TULP2: variants seen among roughly 807,000 people sequenced by gnomAD.
TULP2 encodes TUB like protein 2.
Under a neutral mutation model 60.3 loss-of-function variants are expected in TULP2, and 64 were observed. The ratio of observed to expected loss-of-function variants is 1.06; its 90% CI spans 0.87 to 1.31. The LOEUF (loss-of-function observed/expected upper bound fraction) is 1.31, where lower values mean the gene tolerates loss of function less well. Among genes scored for constraint, TULP2 ranks in the 50% most tolerant of loss-of-function variants. The pLI, the probability that TULP2 is intolerant of heterozygous loss-of-function variation, is 0.00. For missense variants in TULP2, 652 were observed against 667.0 expected, an observed-to-expected ratio of 0.98 and a Z score of 0.25; for synonymous variants, 267 against 265.4, an observed-to-expected ratio of 1.01 and a Z score of -0.06.
chr19:48,895,490 A>G lies in TULP2; in HGVS notation c.225T>C (p.Pro75=), dbSNP rs896430532. 1.0e-5 allele frequency: 16 copies of G among 1,607,338 alleles called. No homozygotes were observed. The Admixed American group carries it at 1.0e-4, about 10-fold the overall frequency. The change falls in exon 5 of 13, where the codon CCT becomes CCC. Residue 75 remains proline (P), a synonymous_variant. Coordinates refer to ENST00000221399, the MANE Select transcript of TULP2 (RefSeq NM_003323.3). The part of the protein sequence containing the change: ...RLLGDRGLGN[P]FLRKKVSEAH... ...CCTCTGACACTTTCTTCCGGAGGAAAGGGTTCCCAAGGCCTGGGAGAAGGT... is the reference window on the plus strand; with the variant it reads ...CCTCTGACACTTTCTTCCGGAGGAAGGGGTTCCCAAGGCCTGGGAGAAGGT...
At position 48,897,849 on chromosome 19, in the gene TULP2, G is replaced by C; in HGVS notation, c.20C>G (p.Thr7Arg). The change falls in exon 2 of 13, where the codon ACA becomes AGA. Residue 7 changes from threonine (T) to arginine (R), a missense_variant. By Grantham distance (71) the Thr-to-Arg change is moderately conservative. Coordinates refer to ENST00000221399, the MANE Select transcript of TULP2 (RefSeq NM_003323.3). This position sits in a 1 kb window ranked among gnomAD's most constrained non-coding sequence, Gnocchi z 4.0. MSQDND[T>R]LMRDILGHEL... is the part of the protein sequence containing the mutation. ...TTTCCCTACTCACTCTCTCATCAAT[G>C]TGTCATTATCCTGAGACATTCTGCA... 2 of 1,613,664 alleles carry C rather than the reference G, an allele frequency of 1.2e-6. No homozygotes were observed. Among genetic ancestry groups the C allele is most frequent in the Non-Finnish European group, 1.7e-6 (2 of 1,179,838 alleles).
In TULP2 at chr19:48,898,601, T is replaced by C. The variant is rs2037305453; in HGVS notation, c.-13A>G. The C allele has an allele frequency of 6.6e-6, 1 of 151,778 alleles. No individual in the cohort carries two copies. The highest frequency in any genetic ancestry group is 1.5e-5 in the Non-Finnish European group (1 of 68,002). The allele number at this position is 151,778 out of a possible 1,614,324, so 9.4% of individuals were successfully genotyped here. On this transcript the variant is annotated 5_prime_UTR_variant, in exon 1 of 13. Coordinates refer to ENST00000221399, the MANE Select transcript of TULP2 (RefSeq NM_003323.3). Reference sequence around the variant, plus strand: ...ATCTCTAAACATACCTGATCCTCTCTTTGGAAGCTGGGGACCTAATCTCGG... The same window carrying C: ...ATCTCTAAACATACCTGATCCTCTCCTTGGAAGCTGGGGACCTAATCTCGG...
At chr19:48,884,112 A>G (rs774910009) in intron 9 of TULP2, 66 bp from the exon 10 acceptor site, 9 of 1,296,362 alleles carry the variant, frequency 6.9e-6, no homozygotes, top group South Asian at 4.9e-5. Flanking sequence ...AGTGTCACTC[A>G]TCGCATCGAC....
chr19:48,894,762 T>A (rs1388809031), intron 6 of TULP2, among the ~76,000 whole-genome samples: 1 of 122,030 alleles, frequency 8.2e-6, no homozygotes, highest in East Asian at 1.9e-4. Context: ...TTTACACCAT[T>A]TTATATAAGG....
Position 48,885,429 on chromosome 19 carries a change from A to G in TULP2, c.1061+19T>C. 1 of 1,607,398 alleles carries G rather than the reference A, an allele frequency of 6.2e-7. No homozygotes were observed. ...CTCCCTGCTACCTGCTCCTCACCAC[A>G]TGTCAGAGCTCTACCCACCTGACTT... On this transcript the variant is annotated intron_variant, in intron 9 of 12. Transcript: ENST00000221399.
At chr19:48,896,306 G>A (rs919028208) in intron 4 of TULP2, 124 bp downstream of exon 4, 1 of 1,356,692 alleles carries the variant, frequency 7.4e-7, no homozygotes. Context: ...CTGGGCCAAG[G>A]CCCGCCCCCA....
intron 7 of TULP2, 133 bp downstream of exon 7, chr19:48,889,375 CAA>C (rs2037212135): frequency 2.8e-6 from 4 of 1,434,664 alleles, no homozygotes; most frequent in Non-Finnish European, 2.8e-6. Context: ...CGCACACACA[CAA>C]GTCTCTGCCA....
At position 48,897,455 on chromosome 19, in the gene TULP2, G is replaced by A. The variant is rs377588178; in HGVS notation, c.33-59C>T. The A allele has an allele frequency of 5.1e-6, 8 of 1,568,568 alleles. No homozygotes were observed. The African/African-American group carries it at 9.5e-5, about 19-fold the overall frequency. On this transcript the variant is annotated intron_variant, in intron 2 of 12. Transcript: ENST00000221399. This position sits in a 1 kb window ranked among gnomAD's most constrained non-coding sequence, Gnocchi z 4.0. ...CAGGGAACCTCGGTTGCCCAAGAGA[G>A]TCCCTCCTTCCCCCATCCTGCCCCT...
chr19:48,895,144 A>C lies in TULP2; in HGVS notation c.368T>G (p.Leu123Arg). 1.2e-6 allele frequency: 2 copies of C among 1,613,730 alleles called. No individual in the cohort carries two copies. The stretch of plus-strand genomic sequence containing the variant: ...GAGCCAGGATAAGAAAGGGGACTGG[A>C]GACCGAGATTCCTGAACACTGAGGA... ...RTEAVFRNLG[L>R]QSPFLSWLPD... is the part of the protein sequence containing the mutation. The change falls in exon 6 of 13, where the codon CTC becomes CGC. Residue 123 changes from leucine to arginine, a missense_variant. Coordinates refer to ENST00000221399, the MANE Select transcript of TULP2 (RefSeq NM_003323.3).
rs1340921552 is a variant in TULP2 at position 48,882,151 on chromosome 19, A to G, written c.1328T>C (p.Leu443Pro). 6.2e-7 allele frequency: 1 copy of G among 1,614,214 alleles called. No individual in the cohort carries two copies. The highest frequency in any genetic ancestry group is 1.7e-5 in the Admixed American group (1 of 60,008). ...CGACGGGGTTTTGTTGTGCAACAAA[A>G]GCAACCCTTGTTTGTCCCCACGTTG... ...RYQRGDKQGL[L>P]LLHNKTPSWD... Residue 443 changes from leucine to proline, a missense_variant, in exon 12 of 13, where the codon CTT (leucine) becomes CCT (proline). By Grantham distance (98) the Leu-to-Pro change is moderately conservative. Coordinates refer to ENST00000221399, the MANE Select transcript of TULP2 (RefSeq NM_003323.3).
At chr19:48,892,514 T>TG (rs1233266242) in intron 6 of TULP2, among the ~76,000 whole-genome samples, 3 of 151,562 alleles carry the variant, frequency 2.0e-5, no homozygotes, top group Non-Finnish European at 2.9e-5. Flanking sequence ...CTTTTTTTTT[T>TG]TGGGGGGGGG....
intron 6 of TULP2, among the ~76,000 whole-genome samples, chr19:48,891,545 G>T (rs553169183): frequency 9.1e-6 from 1 of 110,040 alleles, no homozygotes; most frequent in African/African-American, 6.7e-5. Flanking sequence ...CAGGAGAATC[G>T]CTTAAACCCA....
chr19:48,889,373 C>T (rs1028819401), intron 7 of TULP2, 137 bp downstream of exon 7: 68 of 1,435,258 alleles, frequency 4.7e-5, no homozygotes, highest in Non-Finnish European at 6.0e-5. Flanking sequence ...CACGCACACA[C>T]ACAAGTCTCT....
rs2037293481 is a variant in TULP2 at position 48,897,479 on chromosome 19, CT to C, written c.33-84del. 1 of 1,452,244 alleles carries C rather than the reference CT, an allele frequency of 6.9e-7. No individual in the cohort carries two copies. The highest frequency in any genetic ancestry group is 1.4e-5 in the African/African-American group (1 of 70,988). The allele number at this position is 1,452,244 out of a possible 1,614,324, so 90.0% of individuals were successfully genotyped here. A position where few individuals can be genotyped will look rare whatever the true frequency, so the allele number is the denominator to read the frequency against. ...AGTCCCTCCTTCCCCCATCCTGCCC[CT>C]ATCTCAGCTTGGGTTCTGGGCACCT... On this transcript the variant is annotated intron_variant, in intron 2 of 12. Coordinates refer to ENST00000221399, the MANE Select transcript of TULP2 (RefSeq NM_003323.3). The surrounding 1 kb of genome is among the most constrained non-coding windows in gnomAD (Gnocchi z 4.0).
At position 48,888,093 on chromosome 19, in the gene TULP2, C is replaced by T. The variant is rs774685891; in HGVS notation, c.805G>A (p.Glu269Lys). 6.2e-7 allele frequency: 1 copy of T among 1,614,202 alleles called. No homozygotes were observed. Among genetic ancestry groups the T allele is most frequent in the Non-Finnish European group, 8.5e-7 (1 of 1,180,024 alleles). ...LAIRSPCPGL[E>K]EDMEAYVLRP... ...AGCACGTAGGCTTCCATGTCCTCCT[C>T]CAGCCCAGGGCAGGGGGAGCGGATT... Residue 269 changes from glutamate (E) to lysine (K), a missense_variant, in exon 8 of 13, where the codon GAG (glutamate) becomes AAG (lysine). By Grantham distance (56) the Glu-to-Lys change is moderately conservative. Transcript: ENST00000221399.
intron 4 of TULP2, 142 bp from the exon 5 acceptor site, chr19:48,895,645 C>T: frequency 9.8e-7 from 1 of 1,025,102 alleles, no homozygotes; most frequent in Non-Finnish European, 1.4e-6. Context: ...TTTGGGAGGC[C>T]GAGGCAGGCG....
intron 6 of TULP2, among the ~76,000 whole-genome samples, chr19:48,891,723 C>G (rs775845166): frequency 6.6e-6 from 1 of 152,124 alleles, no homozygotes; most frequent in Non-Finnish European, 1.5e-5. Context: ...GCCCAGGGGA[C>G]CAGTGCTCCG....
chr19:48,885,591 G>A, intron 8 of TULP2, 31 bp from the exon 9 acceptor site: 5 of 1,600,080 alleles, frequency 3.1e-6, no homozygotes, highest in Non-Finnish European at 4.3e-6. Context: ...CCATTAGAAT[G>A]GACTTCTGGA....
At chr19:48,889,366 GCA>G (rs112249585) in intron 7 of TULP2, 142 bp downstream of exon 7, 4 of 1,263,060 alleles carry the variant, frequency 3.2e-6, no homozygotes, top group African/African-American at 1.5e-5. Flanking sequence ...ACGCACGCAC[GCA>G]CACACACAAG....
Sources: gnomAD v4.1 joint callset for allele counts (sites outside exome capture counted in the v4.1 genomes callset) on GRCh38, gnomAD v4.1.1 for gene constraint, Gnocchi (gnomAD v3.1) non-coding constraint, MANE v1.5 for transcripts, NCBI Gene and HGNC (gene_info 2026-07-23, HGNC 2026-07-21) for gene names.